LY96: variants seen among roughly 807,000 people sequenced by gnomAD.
The protein encoded by LY96 is lymphocyte antigen 96.
A neutral mutation model predicts 18.9 loss-of-function variants in LY96; 18 were observed. The observed-to-expected ratio is 0.95, with a 90% confidence interval of 0.66 to 1.41. The LOEUF is 1.41. Ranked by LOEUF, LY96 falls within the 40% of genes most tolerant of loss-of-function variation. The probability of loss-of-function intolerance (pLI) is 0.00; values close to 1 mark genes in which losing one functional copy is unlikely to be tolerated. For missense variants in LY96, 175 were observed against 182.4 expected (o/e 0.96, Z 0.23); for synonymous variants, 66 against 62.6 (o/e 1.06, Z -0.26).
chr8:74,038,265 G>A, the LY96 span, among the ~76,000 whole-genome samples: 1 of 152,074 alleles, frequency 6.6e-6, no homozygotes, highest in African/African-American at 2.4e-5. Context: ...TCACTCTGCT[G>A]TGCTACCAAA....
chr8:73,991,551 T>G lies in LY96; in HGVS notation c.109T>G (p.Cys37Gly), dbSNP rs1396748304. Residue 37 changes from cysteine to glycine, a missense_variant, in exon 1 of 5, where the codon TGT (cysteine) becomes GGT (glycine). Cys to Gly is a radical substitution (Grantham distance 159). Transcript: ENST00000284818. ...CGATGCAAGTATTTCATACACCTAC[T>G]GTGGTAAGTAAAACCGCAAAACAAA... ...SSDASISYTY[C>G]DKMQYPISIN... The G allele has an allele frequency of 1.3e-6, 2 of 1,578,380 alleles. No homozygotes were observed. The highest frequency in any genetic ancestry group is 3.3e-5 in the Admixed American group (2 of 59,960).
chr8:74,040,452 T>C, the LY96 span, among the ~76,000 whole-genome samples: 1 of 152,156 alleles, frequency 6.6e-6, no homozygotes, highest in Non-Finnish European at 1.5e-5. Flanking sequence ...TTTCTTGTAG[T>C]AGTTTCATAG....
At chr8:74,081,944 G>T in the LY96 span, among the ~76,000 whole-genome samples, 1 of 152,200 alleles carries the variant, frequency 6.6e-6, no homozygotes, top group African/African-American at 2.4e-5. Flanking sequence ...CCCTTGGCTG[G>T]TGTTTCTTGT....
At chr8:74,054,671 T>TCTTTCTTTCTTTCTTC in the LY96 span, among the ~76,000 whole-genome samples, 1 of 145,624 alleles carries the variant, frequency 6.9e-6, no homozygotes, top group East Asian at 2.0e-4. Context: ...TTTCTTTCTT[T>TCTTTCTTTCTTTCTTC]CTTTTTATTT....
At chr8:74,057,045 C>T in the LY96 span, among the ~76,000 whole-genome samples, 1 of 152,300 alleles carries the variant, frequency 6.6e-6, no homozygotes, top group African/African-American at 2.4e-5. Context: ...CAAGCACAGA[C>T]TCCTAGCTAA....
the LY96 span, among the ~76,000 whole-genome samples, chr8:74,086,603 A>C: frequency 6.6e-6 from 1 of 152,356 alleles, no homozygotes; most frequent in Admixed American, 6.5e-5. Flanking sequence ...TATTAGGATG[A>C]GGTCCAAGAT....
At chr8:74,012,662 G>A (rs1345423853) in intron 3 of LY96, among the ~76,000 whole-genome samples, 1 of 151,836 alleles carries the variant, frequency 6.6e-6, no homozygotes, top group Non-Finnish European at 1.5e-5. Context: ...TGGTAAATCA[G>A]TATAAATAAA....
chr8:74,001,394 A>T (rs1816265545), intron 1 of LY96, among the ~76,000 whole-genome samples: 1 of 151,834 alleles, frequency 6.6e-6, no homozygotes, highest in Non-Finnish European at 1.5e-5. Flanking sequence ...ATGCCCAGAT[A>T]ATTTTTGTAT....
rs552757747 is a variant in LY96 at position 73,991,622 on chromosome 8, G to A, written c.112+68G>A. The A allele has an allele frequency of 3.0e-5, 27 of 902,628 alleles. No individual in the cohort carries two copies. In the East Asian group the frequency reaches 4.7e-4, roughly 16 times the overall value. The allele number at this position is 902,628 out of a possible 1,614,324, so 55.9% of individuals were successfully genotyped here. ...TTGAGGGTAAGTTTTCACGAGAACC[G>A]TACACTGTTGTGGCTGGAACACACG... On this transcript the variant is annotated intron_variant, in intron 1 of 4. Coordinates refer to ENST00000284818, the MANE Select transcript of LY96 (RefSeq NM_015364.5).
the LY96 span, among the ~76,000 whole-genome samples, chr8:74,088,280 A>C: frequency 6.6e-6 from 1 of 152,154 alleles, no homozygotes; most frequent in Non-Finnish European, 1.5e-5. Flanking sequence ...CACACTGGAC[A>C]CTTCTTGCAG....
chr8:74,004,855 AAAGGATT>A lies in LY96; in HGVS notation c.174_180del (p.Lys58AsnfsTer12), dbSNP rs762644580. 17 of 1,591,818 alleles carry A rather than the reference AAAGGATT, an allele frequency of 1.1e-5. No homozygotes were observed. Among genetic ancestry groups the A allele is most frequent in the Non-Finnish European group, 1.4e-5 (16 of 1,162,370 alleles). On this transcript the variant is annotated frameshift_variant, in exon 2 of 5. Coordinates refer to ENST00000284818, the MANE Select transcript of LY96 (RefSeq NM_015364.5). LOFTEE classifies it high-confidence loss of function. ...CCCCTGTATAGAATTGAAAAGATCCAAAGGATTATTGCACATTTTCTACATTCCAAGT... is the reference window on the plus strand; with the variant it reads ...CCCCTGTATAGAATTGAAAAGATCCAATTGCACATTTTCTACATTCCAAGT...
chr8:74,038,180 C>G, the LY96 span, among the ~76,000 whole-genome samples: 10 of 152,162 alleles, frequency 6.6e-5, no homozygotes, highest in African/African-American at 2.2e-4. Context: ...ATCATTTATC[C>G]TTTTTGTTAC....
the LY96 span, among the ~76,000 whole-genome samples, chr8:74,044,241 G>C: frequency 6.6e-6 from 1 of 151,154 alleles, no homozygotes; most frequent in Non-Finnish European, 1.5e-5. Flanking sequence ...GAGTGCAGTG[G>C]CACAATTATA....
At chr8:74,049,152 A>G in the LY96 span, among the ~76,000 whole-genome samples, 1 of 152,186 alleles carries the variant, frequency 6.6e-6, no homozygotes, top group Non-Finnish European at 1.5e-5. Context: ...CAGGAACCGT[A>G]TGTGTTTTTG....
the LY96 span, among the ~76,000 whole-genome samples, chr8:74,049,613 C>T: frequency 6.6e-6 from 1 of 152,178 alleles, no homozygotes; most frequent in African/African-American, 2.4e-5. Flanking sequence ...TTAGGCAGCA[C>T]ACCCAGGGAC....
the LY96 span, chr8:74,099,806 C>A: frequency 6.6e-6 from 1 of 152,178 alleles, no homozygotes; most frequent in Admixed American, 6.5e-5. Flanking sequence ...GGAATGGCCA[C>A]CCTGCAGGCT....
At chr8:74,062,995 C>T in the LY96 span, among the ~76,000 whole-genome samples, 1 of 152,140 alleles carries the variant, frequency 6.6e-6, no homozygotes. Flanking sequence ...TTCTGAGTAT[C>T]AGAAATCTTG....
intron 1 of LY96, among the ~76,000 whole-genome samples, chr8:73,996,990 C>A (rs1455830086): frequency 6.6e-6 from 1 of 152,144 alleles, no homozygotes; most frequent in East Asian, 1.9e-4. Flanking sequence ...GACAATCCAC[C>A]CGCCTGGGCC....
At chr8:74,080,916 C>T in the LY96 span, among the ~76,000 whole-genome samples, 1 of 152,154 alleles carries the variant, frequency 6.6e-6, no homozygotes, top group African/African-American at 2.4e-5. Flanking sequence ...AGTTTAAAGC[C>T]TACTGATGAT....
Sources: allele counts gnomAD v4.1 joint callset (sites outside exome capture counted in the v4.1 genomes callset), GRCh38; gene constraint gnomAD v4.1.1; transcripts MANE v1.5; gene names NCBI Gene and HGNC (gene_info 2026-07-23, HGNC 2026-07-21).